Variants in ZDHHC23 observed in about 807,000 individuals in gnomAD.
The protein encoded by ZDHHC23 is zDHHC palmitoyltransferase 23, also known as palmitoyltransferase ZDHHC23.
A neutral mutation model predicts 40.2 loss-of-function variants in ZDHHC23; 41 were observed. The observed-to-expected ratio is 1.02, with a 90% CI of 0.79 to 1.32. ZDHHC23 has a LOEUF of 1.32. ZDHHC23 is among the 40% of genes most tolerant of loss of function. The pLI, the probability that ZDHHC23 is intolerant of heterozygous loss-of-function variation, is 0.00. For missense variants in ZDHHC23, 471 were observed against 541.5 expected (o/e 0.87, Z 1.29); for synonymous variants, 204 against 210.2 (o/e 0.97, Z 0.26).
chr3:113,976,528 C>G, the ZDHHC23 span, among the ~76,000 whole-genome samples: 3 of 151,426 alleles, frequency 2.0e-5, no homozygotes, highest in African/African-American at 7.3e-5. Flanking sequence ...ATGGTTTGTG[C>G]AAAAGCCCCA....
chr3:113,953,115 C>T (rs1458629336), intron 2 of ZDHHC23, among the ~76,000 whole-genome samples: 1 of 152,216 alleles, frequency 6.6e-6, no homozygotes, highest in Non-Finnish European at 1.5e-5. Flanking sequence ...TGGGACTAGT[C>T]TACTCCCTGG....
At chr3:113,970,835 G>A in the ZDHHC23 span, among the ~76,000 whole-genome samples, 1 of 151,702 alleles carries the variant, frequency 6.6e-6, no homozygotes, top group Non-Finnish European at 1.5e-5. Context: ...TTTTGTCCTT[G>A]CGATAGTTTG....
Position 113,958,901 on chromosome 3 carries a change from A to G in ZDHHC23, c.*271A>G. On this transcript the variant is annotated 3_prime_UTR_variant, in exon 5 of 5. Coordinates refer to ENST00000638807, the MANE Select transcript of ZDHHC23 (RefSeq NM_001320466.2). ...AACTTGAGAAGGATGTGGATTGCTA[A>G]TGCACAAATTGATAGAAGCAATTCC... 1 of 1,269,532 alleles carries G rather than the reference A, an allele frequency of 7.9e-7. No individual in the cohort carries two copies. The highest frequency in any genetic ancestry group is 1.0e-6 in the Non-Finnish European group (1 of 985,480). 78.6% of individuals were successfully genotyped at this position (1,269,532 alleles called of 1,614,324 possible).
At chr3:113,971,362 T>G in the ZDHHC23 span, among the ~76,000 whole-genome samples, 2 of 152,242 alleles carry the variant, frequency 1.3e-5, no homozygotes, top group African/African-American at 2.4e-5. Flanking sequence ...CATAAATGTC[T>G]TCTTTTGAGA....
chr3:113,967,418 T>G (rs2107549483), downstream of ZDHHC23, among the ~76,000 whole-genome samples: 1 of 140,774 alleles, frequency 7.1e-6, no homozygotes, highest in African/African-American at 2.5e-5. Flanking sequence ...TCCCTACATT[T>G]CTCTTTCTTT....
chr3:113,949,619 A>G (rs1430134672), intron 2 of ZDHHC23, among the ~76,000 whole-genome samples: 3 of 152,370 alleles, frequency 2.0e-5, no homozygotes, highest in East Asian at 3.9e-4. Flanking sequence ...ACAGTGAATA[A>G]TCTGGTTTTA....
Position 113,962,260 on chromosome 3 carries a change from T to C in ZDHHC23, c.*3630T>C, listed in dbSNP as rs1433096259. On this transcript the variant is annotated 3_prime_UTR_variant, in exon 5 of 5. Coordinates refer to ENST00000638807, the MANE Select transcript of ZDHHC23 (RefSeq NM_001320466.2). Reference sequence around the variant, plus strand: ...CTGTGGATGTCTGCTGTGACTAATATAAATTTCTTGCAGAATCAGCTACAC... The same window carrying C: ...CTGTGGATGTCTGCTGTGACTAATACAAATTTCTTGCAGAATCAGCTACAC... The C allele has an allele frequency of 6.6e-6, 1 of 152,214 alleles. No individual in the cohort carries two copies. The highest frequency in any genetic ancestry group is 6.5e-5 in the Admixed American group (1 of 15,278). 9.4% of individuals were successfully genotyped at this position (152,214 alleles called of 1,614,324 possible).
chr3:113,975,791 G>A, the ZDHHC23 span, among the ~76,000 whole-genome samples: 1 of 152,206 alleles, frequency 6.6e-6, no homozygotes, highest in Non-Finnish European at 1.5e-5. Context: ...TAGGAGGCCA[G>A]TGGGGCCAGA....
chr3:113,969,051 A>G (rs1404674567), downstream of ZDHHC23, among the ~76,000 whole-genome samples: 1 of 152,178 alleles, frequency 6.6e-6, no homozygotes, highest in Admixed American at 6.5e-5. Context: ...AAAGCAAAGA[A>G]AAAGGGGGAG....
At chr3:113,978,809 A>T in the ZDHHC23 span, 1 of 1,567,572 alleles carries the variant, frequency 6.4e-7, no homozygotes, top group Non-Finnish European at 8.7e-7. Flanking sequence ...TTTCTTAAAT[A>T]GAATTGAGCA....
At position 113,962,009 on chromosome 3, in the gene ZDHHC23, C is replaced by T. The variant is rs1939713625; in HGVS notation, c.*3379C>T. The T allele has an allele frequency of 6.6e-6, 1 of 152,484 alleles. No individual in the cohort carries two copies. Among genetic ancestry groups the T allele is most frequent in the Admixed American group, 6.5e-5 (1 of 15,272 alleles). The allele number at this position is 152,484 out of a possible 1,614,324, so 9.4% of individuals were successfully genotyped here. A position where few individuals can be genotyped will look rare whatever the true frequency, so the allele number is the denominator to read the frequency against. On this transcript the variant is annotated 3_prime_UTR_variant, in exon 5 of 5. Transcript: ENST00000638807. ...TTTTAACCTAGGTAAGTTTATATGA[C>T]CTAACTTAATTGTAGCCATATTCTG... is the stretch of plus-strand genomic sequence containing the variant.
At chr3:113,948,458 C>T (rs1938325400) in intron 1 of ZDHHC23, 1 of 259,678 alleles carries the variant, frequency 3.9e-6, no homozygotes, top group East Asian at 8.1e-5. Flanking sequence ...AGCCTGCACC[C>T]GCAGGTGAGC....
the ZDHHC23 span, among the ~76,000 whole-genome samples, chr3:113,970,741 C>T: frequency 1.3e-5 from 2 of 152,044 alleles, no homozygotes; most frequent in Non-Finnish European, 2.9e-5. Flanking sequence ...CAGCAGACCC[C>T]GGTGTGTGAT....
At chr3:113,956,212 A>G in intron 3 of ZDHHC23, 127 bp from the exon 4 acceptor site, 1 of 1,034,324 alleles carries the variant, frequency 9.7e-7, no homozygotes. Flanking sequence ...GCGCCATTGC[A>G]CTTTAGCCTG....
chr3:113,954,209 T>C lies in ZDHHC23; in HGVS notation c.671T>C (p.Phe224Ser). ...AAAGGGCAGGAGAAGACCAAAGGGT[T>C]CCCTGGGGCAGACATGTCGGGCAGT... The part of the protein sequence containing the change: ...SRKGQEKTKG[F>S]PGADMSGSLN... The change falls in exon 3 of 5, where the codon TTC (phenylalanine) becomes TCC (serine). Residue 224 changes from phenylalanine to serine, a missense_variant. Transcript: ENST00000638807. 1 of 1,614,160 alleles carries C rather than the reference T, an allele frequency of 6.2e-7. No homozygotes were observed. The highest frequency in any genetic ancestry group is 8.5e-7 in the Non-Finnish European group (1 of 1,180,016).
rs145748065 is a variant in ZDHHC23, at chr3:113,950,550, G to A, written c.161+1587G>A. On this transcript the variant is annotated intron_variant, in intron 2 of 4. Coordinates refer to ENST00000638807, the MANE Select transcript of ZDHHC23 (RefSeq NM_001320466.2). ...ATCACCTCCTTAAGGTCTCACCTCT[G>A]AATACTATTGCATTGGGAATGAGGT... Among the ~76,000 whole-genome samples, 89 of 151,690 alleles carry A rather than the reference G, an allele frequency of 5.9e-4. 1 individual carries two copies. The highest frequency in any genetic ancestry group is 2.1e-3 in the African/African-American group (88 of 41,248).
At chr3:113,969,017 G>A (rs1346160616), downstream of ZDHHC23, among the ~76,000 whole-genome samples, 1 of 152,186 alleles carries the variant, frequency 6.6e-6, no homozygotes, top group African/African-American at 2.4e-5. Flanking sequence ...GCTATCATGT[G>A]CAGAGATCCA....
At chr3:113,968,232 CTAAT>C (rs1940414657), downstream of ZDHHC23, among the ~76,000 whole-genome samples, 1 of 152,144 alleles carries the variant, frequency 6.6e-6, no homozygotes, top group Non-Finnish European at 1.5e-5. Flanking sequence ...AATGGCTGTA[CTAAT>C]TTACACTCCC....
the ZDHHC23 span, among the ~76,000 whole-genome samples, chr3:113,977,189 TGGC>T: frequency 1.3e-5 from 2 of 152,092 alleles, no homozygotes; most frequent in Non-Finnish European, 2.9e-5. Flanking sequence ...CCTAGCTACT[TGGC>T]GGGCTGAGGC....
Sources: allele counts gnomAD v4.1 joint callset (sites outside exome capture counted in the v4.1 genomes callset), GRCh38; gene constraint gnomAD v4.1.1; transcripts MANE v1.5; gene names NCBI Gene and HGNC (gene_info 2026-07-23, HGNC 2026-07-21).